CDC73: variants seen among roughly 807,000 people sequenced by gnomAD.
CDC73 encodes parafibromin.
CDC73 carries 21 observed loss-of-function variants against 83.7 expected under a neutral mutation model. The observed-to-expected ratio is 0.25, with a 90% CI of 0.18 to 0.36. The LOEUF (loss-of-function observed/expected upper bound fraction) is 0.36. Among genes scored for constraint, CDC73 ranks in the 10% least tolerant of loss-of-function variants. CDC73 has a pLI of 1.00. For synonymous variants in CDC73, 224 were observed against 212.9 expected (o/e 1.05, Z -0.45); for missense variants, 342 against 653.3 (o/e 0.52, Z 5.19).
Position 193,122,181 on chromosome 1 carries a change from C to T in CDC73, c.-20C>T, listed in dbSNP as rs1393042566. 1 of 1,611,408 alleles carries T rather than the reference C, an allele frequency of 6.2e-7. No homozygotes were observed. The highest frequency in any genetic ancestry group is 1.7e-4 in the Middle Eastern group (1 of 6,042). ...CGGCAGCGGCGGCGCCCCGAGCCGG[C>T]GGAGGCGAGGGGGGGGAAGATGGCG... On this transcript the variant is annotated 5_prime_UTR_variant, in exon 1 of 17. Transcript: ENST00000367435.
At chr1:193,238,293 C>T (rs938876813) in intron 15 of CDC73, among the ~76,000 whole-genome samples, 1 of 152,052 alleles carries the variant, frequency 6.6e-6, no homozygotes, top group Non-Finnish European at 1.5e-5. Flanking sequence ...TACCGTTGAC[C>T]TCACCCTTTC....
At chr1:193,133,326 C>G (rs967253964) in intron 3 of CDC73, among the ~76,000 whole-genome samples, 2 of 152,220 alleles carry the variant, frequency 1.3e-5, no homozygotes, top group Admixed American at 1.3e-4. Context: ...GACATAATAG[C>G]TAAAGATGTT....
chr1:193,191,738 A>G (rs957308602), intron 10 of CDC73, among the ~76,000 whole-genome samples: 8 of 152,140 alleles, frequency 5.3e-5, no homozygotes, highest in African/African-American at 1.9e-4. Flanking sequence ...ATTAATTTTT[A>G]AAATATATAT....
chr1:193,220,189 CGGA>C (rs1677442953), intron 13 of CDC73, among the ~76,000 whole-genome samples: 1 of 103,352 alleles, frequency 9.7e-6, no homozygotes, highest in Admixed American at 1.4e-4. Flanking sequence ...TTTTTTGAGA[CGGA>C]GTCTCGCCGT....
chr1:193,226,144 C>G (rs896042974), intron 13 of CDC73, among the ~76,000 whole-genome samples: 1 of 152,138 alleles, frequency 6.6e-6, no homozygotes, highest in Non-Finnish European at 1.5e-5. Context: ...ATGTGACTTG[C>G]CAATTATCCC....
chr1:193,123,896 AT>A (rs1675514880), intron 1 of CDC73, among the ~76,000 whole-genome samples: 1 of 152,232 alleles, frequency 6.6e-6, no homozygotes, highest in South Asian at 2.1e-4. Flanking sequence ...AGTTGGGGTT[AT>A]TTAGGAGAAG....
At chr1:193,154,804 G>T (rs1297026101) in intron 10 of CDC73, among the ~76,000 whole-genome samples, 2 of 151,898 alleles carry the variant, frequency 1.3e-5, no homozygotes, top group Non-Finnish European at 2.9e-5. Context: ...TTCTGCTTTG[G>T]AATTACTACC....
rs1678074936 is a variant in CDC73, at chr1:193,253,370, TCTTC to T, written c.*2663_*2666del. 4.3e-6 allele frequency: 1 copy of T among 232,478 alleles called. No homozygotes were observed. The highest frequency in any genetic ancestry group is 1.8e-4 in the South Asian group (1 of 5,530). 14.4% of individuals were successfully genotyped at this position (232,478 alleles called of 1,614,324 possible). A position where few individuals can be genotyped will look rare whatever the true frequency, so the allele number is the denominator to read the frequency against. On this transcript the variant is annotated 3_prime_UTR_variant, in exon 17 of 17. Coordinates refer to ENST00000367435, the MANE Select transcript of CDC73 (RefSeq NM_024529.5). ...CAGTACCAGTATTAAATGTGTTTCC[TCTTC>T]CTTCTTTTCTGTATGTATGTGTGGT... is the stretch of plus-strand genomic sequence containing the variant.
At chr1:193,220,378 G>C (rs1291513290) in intron 13 of CDC73, among the ~76,000 whole-genome samples, 2 of 151,752 alleles carry the variant, frequency 1.3e-5, no homozygotes, top group East Asian at 3.9e-4. Flanking sequence ...TGGTCAGGCT[G>C]GTCTCAAACT....
rs777746473 is a variant in CDC73, at chr1:193,203,837, C to A, written c.1015C>A (p.Pro339Thr). 12 of 1,613,562 alleles carry A rather than the reference C, an allele frequency of 7.4e-6. No homozygotes were observed. In the South Asian group the frequency reaches 1.1e-4, roughly 15 times the overall value. ...GAAGACTCAGACTCCTGCAGCCCAG[C>A]CAGTACCAAGACCAGGTAGAAATAT... ...ARKTQTPAAQ[P>T]VPRPVSQARP... is the part of the protein sequence containing the mutation. The change falls in exon 11 of 17, where the codon CCA (proline) becomes ACA (threonine). Residue 339 changes from proline (P) to threonine (T), a missense_variant. Physicochemically the swap from Pro to Thr is conservative, Grantham distance 38. Transcript: ENST00000367435.
At chr1:193,195,913 T>C (rs1306233369) in intron 10 of CDC73, among the ~76,000 whole-genome samples, 1 of 152,170 alleles carries the variant, frequency 6.6e-6, no homozygotes, top group Non-Finnish European at 1.5e-5. Context: ...TAATTTCTTA[T>C]ATGTGTGACT....
intron 11 of CDC73, among the ~76,000 whole-genome samples, chr1:193,209,765 T>A (rs148023748): frequency 1.3e-5 from 2 of 152,226 alleles, no homozygotes; most frequent in Non-Finnish European, 2.9e-5. Flanking sequence ...TTGAGTTTAG[T>A]AAATGTTTGC....
intron 10 of CDC73, among the ~76,000 whole-genome samples, chr1:193,177,491 C>G (rs536795273): frequency 1.8e-4 from 27 of 147,716 alleles, no homozygotes; most frequent in Admixed American, 2.7e-4. Flanking sequence ...GATCGGGCCA[C>G]TGCACTCCAG....
At chr1:193,218,910 G>A (rs1185972829) in intron 13 of CDC73, among the ~76,000 whole-genome samples, 1 of 152,110 alleles carries the variant, frequency 6.6e-6, no homozygotes, top group Non-Finnish European at 1.5e-5. Context: ...ATAGACAAAT[G>A]GGAGCTAAAC....
intron 13 of CDC73, among the ~76,000 whole-genome samples, chr1:193,231,501 C>T (rs1677662699): frequency 6.6e-6 from 1 of 152,068 alleles, no homozygotes; most frequent in South Asian, 2.1e-4. Context: ...AAACAATGCA[C>T]ACATATTAAA....
At chr1:193,233,952 A>G (rs1440244610) in intron 14 of CDC73, among the ~76,000 whole-genome samples, 2 of 151,856 alleles carry the variant, frequency 1.3e-5, no homozygotes, top group Non-Finnish European at 2.9e-5. Context: ...AACGCAACAC[A>G]TGGCACATTA....
chr1:193,231,870 T>C (rs1035940791), intron 13 of CDC73, among the ~76,000 whole-genome samples: 12 of 152,184 alleles, frequency 7.9e-5, no homozygotes, highest in Non-Finnish European at 1.3e-4. Context: ...TTTTAAACTT[T>C]AGAAGCAGAA....
At position 193,152,260 on chromosome 1, in the gene CDC73, T is replaced by C. The variant is rs766130996; in HGVS notation, c.908-120T>C. On this transcript the variant is annotated intron_variant, in intron 9 of 16. Transcript: ENST00000367435. ...CGTAATTTAATTTTACATAGTAGATTCAAGGCTTTGTATATTATTGAACCA... is the reference window on the plus strand; with the variant it reads ...CGTAATTTAATTTTACATAGTAGATCCAAGGCTTTGTATATTATTGAACCA... 2.0e-5 allele frequency: 14 copies of C among 696,498 alleles called. No homozygotes were observed. The Admixed American group carries it at 3.3e-4, about 16-fold the overall frequency. 43.1% of individuals were successfully genotyped at this position (696,498 alleles called of 1,614,324 possible). A position where few individuals can be genotyped will look rare whatever the true frequency, so the allele number is the denominator to read the frequency against.
intron 15 of CDC73, chr1:193,236,987 A>G (rs1677770756): frequency 6.9e-6 from 1 of 144,636 alleles, no homozygotes; most frequent in East Asian, 2.2e-4. Flanking sequence ...TCTGTCGCCC[A>G]GGCTGGATTG....
Sources: allele counts gnomAD v4.1 joint callset (sites outside exome capture counted in the v4.1 genomes callset), GRCh38; gene constraint gnomAD v4.1.1; transcripts MANE v1.5; gene names NCBI Gene and HGNC (gene_info 2026-07-23, HGNC 2026-07-21).